CTDSP1: variants seen among roughly 807,000 people sequenced by gnomAD.
CTDSP1 encodes CTD small phosphatase 1.
Under a neutral mutation model 32.5 loss-of-function variants are expected in CTDSP1, and 15 were observed. That is an observed-to-expected ratio of 0.46 (90% CI 0.31 to 0.71). CTDSP1 has a LOEUF of 0.71. CTDSP1 is among the 30% of genes least tolerant of loss of function. CTDSP1 has a pLI of 0.05. For synonymous variants in CTDSP1, 185 were observed against 145.4 expected (o/e 1.27, Z -1.96); for missense variants, 294 against 351.1 (o/e 0.84, Z 1.30).
At chr2:218,401,014 G>C in intron 1 of CTDSP1, 1 of 442,844 alleles carries the variant, frequency 2.3e-6, no homozygotes, top group South Asian at 1.6e-5. Flanking sequence ...TCAGGCTGCT[G>C]GGCTCCAGGT....
chr2:218,399,154 AG>A (rs1696968579), upstream of CTDSP1: 1 of 152,286 alleles, frequency 6.6e-6, no homozygotes, highest in Non-Finnish European at 1.5e-5. Flanking sequence ...GCTACGCGAA[AG>A]GAACAGCGCG....
rs1211683168 is a variant in CTDSP1 at position 218,405,314 on chromosome 2, C to T, written c.*889C>T. 1 of 152,666 alleles carries T rather than the reference C, an allele frequency of 6.6e-6. No homozygotes were observed. Among genetic ancestry groups the T allele is most frequent in the Non-Finnish European group, 1.5e-5 (1 of 68,090 alleles). 9.5% of individuals were successfully genotyped at this position (152,666 alleles called of 1,614,324 possible). On this transcript the variant is annotated 3_prime_UTR_variant, in exon 7 of 7. Transcript: ENST00000273062. ...AAGGATTTTTACATTTTTTAAACTG[C>T]TATTTTCTGAATGGAACAAGCTGGG...
chr2:218,402,659 C>T, intron 4 of CTDSP1: 1 of 766,344 alleles, frequency 1.3e-6, no homozygotes, highest in Non-Finnish European at 2.4e-6. Flanking sequence ...GGACCCAGTT[C>T]AAGTAATTCA....
Position 218,403,094 on chromosome 2 carries a change from T to C in CTDSP1, c.438T>C (p.Phe146=), listed in dbSNP as rs1433418083. 1 of 1,614,148 alleles carries C rather than the reference T, an allele frequency of 6.2e-7. No individual in the cohort carries two copies. The highest frequency in any genetic ancestry group is 2.2e-5 in the East Asian group (1 of 44,880). ...TCCTGCAGCGAATGGGCGAGCTCTT[T>C]GAATGTGTGCTGTTCACTGCTAGCC... ...DEFLQRMGEL[F]ECVLFTASLA... is the part of the protein sequence containing the mutation. Residue 146 remains phenylalanine, a synonymous_variant, in exon 5 of 7, where the codon TTT becomes TTC. Coordinates refer to ENST00000273062, the MANE Select transcript of CTDSP1 (RefSeq NM_021198.3).
rs764418232 is a variant in CTDSP1 at position 218,403,258 on chromosome 2, G to A, written c.498G>A (p.Leu166=). Reference sequence around the variant, plus strand: ...ACGCAGACCCAGTAGCTGACCTGCTGGACAAATGGGGGGCCTTCCGGGCCC... The same window carrying A: ...ACGCAGACCCAGTAGCTGACCTGCTAGACAAATGGGGGGCCTTCCGGGCCC... ...AKYADPVADL[L]DKWGAFRARL... is the part of the protein sequence containing the mutation. Residue 166 remains leucine, a synonymous_variant, in exon 6 of 7, where the codon CTG becomes CTA. Transcript: ENST00000273062. 1.9e-6 allele frequency: 3 copies of A among 1,613,328 alleles called. No individual in the cohort carries two copies. The highest frequency in any genetic ancestry group is 2.2e-5 in the East Asian group (1 of 44,894).
At position 218,402,377 on chromosome 2, in the gene CTDSP1, C is replaced by T. The variant is rs748732877; in HGVS notation, c.350C>T (p.Pro117Leu). The change falls in exon 4 of 7, where the codon CCT (proline) becomes CTT (leucine). Residue 117 changes from proline (P) to leucine (L), a missense_variant. Physicochemically the swap from Pro to Leu is moderately conservative, Grantham distance 98. Coordinates refer to ENST00000273062, the MANE Select transcript of CTDSP1 (RefSeq NM_021198.3). ...KPVNNADFII[P>L]VEIDGVVHQV... ...GTGAACAACGCGGACTTCATCATCC[C>T]TGTGGAGATTGATGGGGTGGTCCAC... The T allele has an allele frequency of 1.2e-6, 2 of 1,612,606 alleles. No homozygotes were observed. Among genetic ancestry groups the T allele is most frequent in the Non-Finnish European group, 1.7e-6 (2 of 1,179,202 alleles).
At chr2:218,402,525 A>G (rs1014806411) in intron 4 of CTDSP1, 120 bp downstream of exon 4, 5 of 1,037,088 alleles carry the variant, frequency 4.8e-6, no homozygotes, top group Non-Finnish European at 7.5e-6. Flanking sequence ...AGAGGCCCAG[A>G]GAGGGTGTGA....
chr2:218,399,867 T>G, upstream of CTDSP1: 1 of 1,243,426 alleles, frequency 8.0e-7, no homozygotes, highest in Non-Finnish European at 1.0e-6. Flanking sequence ...GTTCCATGTT[T>G]GCATCCGCCT....
At chr2:218,397,516 G>A (rs956893464), upstream of CTDSP1, among the ~76,000 whole-genome samples, 2 of 152,212 alleles carry the variant, frequency 1.3e-5, no homozygotes, top group African/African-American at 4.8e-5. Context: ...GGCAGATGGG[G>A]AAACTGAGGG....
rs1188335696 is a variant in CTDSP1 at position 218,400,037 on chromosome 2, G to A, written c.-54G>A. ...GCCCCGATTCCGGCCCCAGCCGGGG[G>A]GGAGGCCGGGCGCCCGGGCCAGAGT... is the stretch of plus-strand genomic sequence containing the variant. On this transcript the variant is annotated 5_prime_UTR_variant, in exon 1 of 7. Transcript: ENST00000273062. The A allele has an allele frequency of 1.6e-5, 21 of 1,353,492 alleles. No individual in the cohort carries two copies. Among genetic ancestry groups the A allele is most frequent in the Non-Finnish European group, 1.9e-6 (2 of 1,049,764 alleles). 83.8% of individuals were successfully genotyped at this position (1,353,492 alleles called of 1,614,324 possible).
chr2:218,404,184 G>A, intron 6 of CTDSP1, 113 bp from the exon 7 acceptor site: 1 of 1,328,004 alleles, frequency 7.5e-7, no homozygotes, highest in South Asian at 1.4e-5. Flanking sequence ...AACACTGTGG[G>A]TGAGGGGTTT....
chr2:218,400,676 G>T, intron 1 of CTDSP1: 1 of 451,012 alleles, frequency 2.2e-6, no homozygotes, highest in Non-Finnish European at 4.5e-6. Flanking sequence ...CGCGTCACGC[G>T]TGGAGGCGCC....
rs1259578997 is a variant in CTDSP1 at position 218,405,862 on chromosome 2, G to A, written c.*1437G>A. ...GGGTGAATATGGTTGGCCTGCATCAGGTGGCCTTCCCATTTAAGTGCCTTC... is the reference window on the plus strand; with the variant it reads ...GGGTGAATATGGTTGGCCTGCATCAAGTGGCCTTCCCATTTAAGTGCCTTC... On this transcript the variant is annotated 3_prime_UTR_variant, in exon 7 of 7. Transcript: ENST00000273062. The A allele has an allele frequency of 6.5e-6, 1 of 153,136 alleles. No individual in the cohort carries two copies. The highest frequency in any genetic ancestry group is 1.5e-5 in the Non-Finnish European group (1 of 68,308). The allele number at this position is 153,136 out of a possible 1,614,324, so 9.5% of individuals were successfully genotyped here. A position where few individuals can be genotyped will look rare whatever the true frequency, so the allele number is the denominator to read the frequency against.
At chr2:218,402,314 C>T in intron 3 of CTDSP1, 35 bp from the exon 4 acceptor site, 5 of 1,613,826 alleles carry the variant, frequency 3.1e-6, no homozygotes, top group Non-Finnish European at 4.2e-6. Context: ...CCTGGGGCTC[C>T]TCCTCCAACT....
intron 1 of CTDSP1, 130 bp downstream of exon 1, chr2:218,400,287 C>A (rs1202472937): frequency 3.6e-6 from 3 of 831,224 alleles, no homozygotes; most frequent in South Asian, 3.0e-5. Flanking sequence ...AGCTCCCAGC[C>A]CGAGAGGGAG....
chr2:218,402,032 G>T (rs906104306), intron 2 of CTDSP1, 79 bp from the exon 3 acceptor site: 30 of 999,174 alleles, frequency 3.0e-5, no homozygotes, highest in Non-Finnish European at 4.6e-5. Context: ...CTCTGGAGAC[G>T]GCTAGGGGGA....
chr2:218,398,841 C>T (rs1460903363), upstream of CTDSP1: 1 of 160,616 alleles, frequency 6.2e-6, no homozygotes, highest in Non-Finnish European at 1.4e-5. Context: ...AACCCGCAGA[C>T]CCACGGCGCG....
Position 218,400,090 on chromosome 2 carries a change from C to A in CTDSP1, c.-1C>A, listed in dbSNP as rs566992143. ...GGCCGGAGCGGAGCGCGCCCGGCCC[C>A]ATGGACAGCTCGGCCGTCATTACTC... On this transcript the variant is annotated 5_prime_UTR_variant, in exon 1 of 7. Transcript: ENST00000273062. 8.1e-5 allele frequency: 124 copies of A among 1,526,480 alleles called. 1 individual carries two copies. The South Asian group carries it at 1.3e-3, about 16-fold the overall frequency. 94.6% of individuals were successfully genotyped at this position (1,526,480 alleles called of 1,614,324 possible).
In CTDSP1 at chr2:218,405,095, C is replaced by A. The variant is rs533186308; in HGVS notation, c.*670C>A. On this transcript the variant is annotated 3_prime_UTR_variant, in exon 7 of 7. Transcript: ENST00000273062. ...TCATCCAAGCAATGACCTCAGACTT[C>A]TGCCTTAACCAGCCCCGGGGCTTGG... 6.5e-6 allele frequency: 1 copy of A among 153,066 alleles called. No homozygotes were observed. Among genetic ancestry groups the A allele is most frequent in the Admixed American group, 6.5e-5 (1 of 15,306 alleles). 9.5% of individuals were successfully genotyped at this position (153,066 alleles called of 1,614,324 possible).
Sources: allele counts gnomAD v4.1 joint callset (sites outside exome capture counted in the v4.1 genomes callset), GRCh38; gene constraint gnomAD v4.1.1; transcripts MANE v1.5; gene names NCBI Gene and HGNC (gene_info 2026-07-23, HGNC 2026-07-21).